CNOT7: variants seen among roughly 807,000 people sequenced by gnomAD.
CNOT7 encodes CCR4-NOT transcription complex subunit 7.
CNOT7 carries 4 observed loss-of-function variants against 37.1 expected under a neutral mutation model. The observed-to-expected ratio is 0.11, with a 90% CI of 0.05 to 0.25. The LOEUF is 0.25. Ranked by LOEUF, CNOT7 falls within the 10% of genes least tolerant of loss-of-function variation. The probability of loss-of-function intolerance (pLI) is 1.00; values close to 1 mark genes in which losing one functional copy is unlikely to be tolerated. For missense variants in CNOT7, 170 were observed against 336.2 expected (o/e 0.51, Z 3.87); for synonymous variants, 128 against 115.6 (o/e 1.11, Z -0.69).
chr8:17,239,962 C>G (rs938288716), intron 3 of CNOT7, among the ~76,000 whole-genome samples: 6 of 152,154 alleles, frequency 3.9e-5, no homozygotes, highest in African/African-American at 1.4e-4. Context: ...AATTGTAATT[C>G]TTAGACTTAG....
chr8:17,227,543 G>T lies in CNOT7; in HGVS notation c.*3177C>A, dbSNP rs1230448889. 2 of 151,838 alleles carry T rather than the reference G, an allele frequency of 1.3e-5. No individual in the cohort carries two copies. Among genetic ancestry groups the T allele is most frequent in the African/African-American group, 4.8e-5 (2 of 41,402 alleles). 9.4% of individuals were successfully genotyped at this position (151,838 alleles called of 1,614,324 possible). On this transcript the variant is annotated 3_prime_UTR_variant, in exon 7 of 7. Coordinates refer to ENST00000361272, the MANE Select transcript of CNOT7 (RefSeq NM_013354.7). ...ACGATGTAATTCAGCATTAGTAAAT[G>T]GTTTTCTTTGCTTGGCTAACAAATA...
At position 17,232,516 on chromosome 8, in the gene CNOT7, C is replaced by G; in HGVS notation, c.640G>C (p.Glu214Gln). ...CCTATCCGTTCCAGCTCTAACTGTT[C>G]TGCCACCTCCTGTAATCCACCCTAG... is the stretch of plus-strand genomic sequence containing the variant. ...NLKGGLQEVA[E>Q]QLELERIGPQ... Residue 214 changes from glutamate (E) to glutamine (Q), a missense_variant, in exon 6 of 7, where the codon GAA (glutamate) becomes CAA (glutamine). Physicochemically the swap from Glu to Gln is conservative, Grantham distance 29. Transcript: ENST00000361272. 2 of 1,614,014 alleles carry G rather than the reference C, an allele frequency of 1.2e-6. No homozygotes were observed. The highest frequency in any genetic ancestry group is 1.7e-6 in the Non-Finnish European group (2 of 1,179,974).
At chr8:17,242,846 CA>C (rs1810376063) in intron 3 of CNOT7, 145 bp downstream of exon 3, 8 of 471,966 alleles carry the variant, frequency 1.7e-5, no homozygotes, top group Non-Finnish European at 2.6e-5. Context: ...AAAAGAAAAC[CA>C]CGCTTTTGAA....
intron 3 of CNOT7, among the ~76,000 whole-genome samples, chr8:17,241,114 C>G (rs962555701): frequency 2.0e-5 from 3 of 152,138 alleles, no homozygotes; most frequent in South Asian, 2.1e-4. Context: ...GTTGCCCAGG[C>G]TGGAGTGCAG....
chr8:17,243,741 T>A, intron 2 of CNOT7: 1 of 432,140 alleles, frequency 2.3e-6, no homozygotes, highest in Non-Finnish European at 4.7e-6. Context: ...TAGGATGTTA[T>A]CACTTCTCTA....
chr8:17,243,139 C>G lies in CNOT7; in HGVS notation c.164G>C (p.Arg55Thr). 6.2e-7 allele frequency: 1 copy of G among 1,606,910 alleles called. No individual in the cohort carries two copies. The highest frequency in any genetic ancestry group is 8.5e-7 in the Non-Finnish European group (1 of 1,178,426). ...GVVARPIGEFRSNADYQYQLL... is the reference protein window; with the variant it reads ...GVVARPIGEFTSNADYQYQLL... ...TTGGTATTGATAGTCAGCATTGCTC[C>G]TGAATTCTCCAATGGGTCTTGCAAC... The change falls in exon 3 of 7, where the codon AGG becomes ACG. Residue 55 changes from arginine to threonine, a missense_variant. Around this residue, in one of 6 missense-constraint regions of CNOT7, gnomAD observed 18 missense variants for 57.0 expected, o/e 0.32. Coordinates refer to ENST00000361272, the MANE Select transcript of CNOT7 (RefSeq NM_013354.7).
At chr8:17,233,984 G>A (rs1288566790) in intron 5 of CNOT7, among the ~76,000 whole-genome samples, 1 of 152,154 alleles carries the variant, frequency 6.6e-6, no homozygotes, top group Non-Finnish European at 1.5e-5. Context: ...AACCCGGGAG[G>A]CGGAGGTTGC....
chr8:17,244,989 T>C (rs775261886), intron 2 of CNOT7, 47 bp downstream of exon 2: 7 of 1,432,752 alleles, frequency 4.9e-6, no homozygotes, highest in Admixed American at 3.9e-5. Context: ...AAAATTTCCT[T>C]TTCCTCCTTT....
At chr8:17,242,012 G>C (rs567815094) in intron 3 of CNOT7, 6 of 152,184 alleles carry the variant, frequency 3.9e-5, no homozygotes, top group Non-Finnish European at 8.8e-5. Flanking sequence ...ACCCTGGTCA[G>C]CATGTCGTTC....
At chr8:17,233,338 G>T (rs989145885) in intron 5 of CNOT7, among the ~76,000 whole-genome samples, 9 of 152,198 alleles carry the variant, frequency 5.9e-5, no homozygotes, top group African/African-American at 2.2e-4. Flanking sequence ...GCTTTGCACA[G>T]CAGTTGCTTC....
Position 17,233,024 on chromosome 8 carries a change from T to C in CNOT7, c.619-487A>G, listed in dbSNP as rs116009808. Among the ~76,000 whole-genome samples, 778 of 152,326 alleles carry C rather than the reference T, an allele frequency of 5.1e-3. 2 individuals carry two copies. The highest frequency in any genetic ancestry group is 0.018 in the African/African-American group (742 of 41,564). ...TAAGAGTATGCTAAATGCTTCACTA[T>C]GGTTTTCTTAGTTAAGACGAGTATA... On this transcript the variant is annotated intron_variant, in intron 5 of 6. Transcript: ENST00000361272.
intron 5 of CNOT7, among the ~76,000 whole-genome samples, chr8:17,233,788 C>T (rs750136797): frequency 6.6e-6 from 1 of 152,154 alleles, no homozygotes; most frequent in African/African-American, 2.4e-5. Context: ...CATATGCTGA[C>T]CATATCATGT....
intron 3 of CNOT7, among the ~76,000 whole-genome samples, chr8:17,239,768 C>T (rs1809894931): frequency 6.6e-6 from 1 of 152,244 alleles, no homozygotes; most frequent in African/African-American, 2.4e-5. Flanking sequence ...GCTGGGATTA[C>T]AGGCGTGAGC....
intron 3 of CNOT7, chr8:17,241,717 G>C (rs1810192169): frequency 6.6e-6 from 1 of 152,102 alleles, no homozygotes; most frequent in African/African-American, 2.4e-5. Context: ...CTTGGAAATT[G>C]CAACTTTAAG....
At chr8:17,237,854 G>C (rs1412454953) in intron 3 of CNOT7, among the ~76,000 whole-genome samples, 2 of 152,160 alleles carry the variant, frequency 1.3e-5, no homozygotes, top group Non-Finnish European at 2.9e-5. Flanking sequence ...TGTCTCATGC[G>C]GATGAGTTAA....
intron 5 of CNOT7, among the ~76,000 whole-genome samples, chr8:17,233,786 G>C (rs1258869933): frequency 6.6e-6 from 1 of 152,136 alleles, no homozygotes; most frequent in Non-Finnish European, 1.5e-5. Context: ...GTCATATGCT[G>C]ACCATATCAT....
Position 17,245,141 on chromosome 8 carries a change from T to A in CNOT7, c.12A>T (p.Ala4=). The A allele has an allele frequency of 1.2e-6, 2 of 1,613,026 alleles. No individual in the cohort carries two copies. Among genetic ancestry groups the A allele is most frequent in the Non-Finnish European group, 1.7e-6 (2 of 1,179,432 alleles). MPA[A]TVDHSQRICE... ...AAATTCTTTGGCTATGATCTACAGT[T>A]GCCGCTGGCATAGTGAGGGCACAAG... Residue 4 remains alanine (A), a synonymous_variant, in exon 2 of 7, where the codon GCA becomes GCT. Transcript: ENST00000361272.
intron 3 of CNOT7, among the ~76,000 whole-genome samples, chr8:17,239,681 T>C (rs1809876499): frequency 6.6e-6 from 1 of 151,940 alleles, no homozygotes; most frequent in African/African-American, 2.4e-5. Flanking sequence ...TTTTAGTAGA[T>C]ACAGGGTTTC....
In CNOT7 at chr8:17,232,291, G is replaced by A. The variant is rs1032135552; in HGVS notation, c.729+136C>T. 1.7e-5 allele frequency: 26 copies of A among 1,522,724 alleles called. No homozygotes were observed. The Admixed American group carries it at 2.0e-4, about 11-fold the overall frequency. 94.3% of individuals were successfully genotyped at this position (1,522,724 alleles called of 1,614,324 possible). On this transcript the variant is annotated intron_variant, in intron 6 of 6. Coordinates refer to ENST00000361272, the MANE Select transcript of CNOT7 (RefSeq NM_013354.7). The stretch of plus-strand genomic sequence containing the variant: ...TTATTTTTGAATACTTTTAAGTGTG[G>A]TGGATGTGACTCATATGGTATCTCT...
Sources: gnomAD v4.1 joint callset for allele counts (sites outside exome capture counted in the v4.1 genomes callset) on GRCh38, gnomAD v4.1.1 for gene constraint, gnomAD v4.1.1 regional missense constraint, MANE v1.5 for transcripts, NCBI Gene and HGNC (gene_info 2026-07-23, HGNC 2026-07-21) for gene names.